PPEF1: variants seen among roughly 807,000 people sequenced by gnomAD.
PPEF1 encodes the protein protein phosphatase with EF-hand domain 1.
Under a neutral mutation model 53.3 loss-of-function variants are expected in PPEF1, and 12 were observed. The ratio of observed to expected loss-of-function variants is 0.23; its 90% CI spans 0.14 to 0.36. The LOEUF (loss-of-function observed/expected upper bound fraction) is 0.36. Among genes scored for constraint, PPEF1 ranks in the 10% least tolerant of loss-of-function variants. The pLI is 1.00. For synonymous variants in PPEF1, 165 were observed against 176.7 expected (o/e 0.93, Z 0.52); for missense variants, 334 against 490.4 (o/e 0.68, Z 3.01).
intron 12 of PPEF1, among the ~76,000 whole-genome samples, chrX:18,809,140 T>A (rs1356192317): frequency 9.6e-6 from 1 of 104,238 alleles, no homozygotes; most frequent in Non-Finnish European, 2.0e-5. Context: ...TCTATCTATC[T>A]AGTAATTCCT....
At chrX:18,771,718 A>T (rs982360607) in intron 6 of PPEF1, among the ~76,000 whole-genome samples, 2 of 111,917 alleles carry the variant, frequency 1.8e-5, no homozygotes, top group African/African-American at 6.5e-5. Context: ...TTAACAACTA[A>T]TAGCCTACTG....
intron 9 of PPEF1, among the ~76,000 whole-genome samples, chrX:18,788,110 A>G (rs1440014707): frequency 9.0e-6 from 1 of 111,075 alleles, no homozygotes; most frequent in East Asian, 2.8e-4. Flanking sequence ...AGGTCAGGAG[A>G]TCAAGACCAT....
Position 18,779,025 on chromosome X carries a change from G to C in PPEF1, c.574G>C (p.Glu192Gln), listed in dbSNP as rs749566728. 6.7e-6 allele frequency: 8 copies of C among 1,197,581 alleles called. No homozygotes were observed. The Admixed American group carries it at 1.3e-4, about 20-fold the overall frequency. ...LIFYKNGLPS[E>Q]RNPYVFNGDF... ...CCTTCCACAGAATGGTCTCCCCTCA[G>C]AGAGGAACCCGTATGTTTTTAATGG... The change falls in exon 7 of 16, where the codon GAG becomes CAG. Residue 192 changes from glutamate (E) to glutamine (Q), a missense_variant. Transcript: ENST00000470157.
At chrX:18,782,938 C>A (rs758515091) in intron 8 of PPEF1, among the ~76,000 whole-genome samples, 1 of 108,244 alleles carries the variant, frequency 9.2e-6, no homozygotes, top group South Asian at 4.2e-4. Context: ...CGTGGTGAAA[C>A]CCTGTCTCTA....
At chrX:18,816,382 A>C (rs2046916119) in intron 12 of PPEF1, among the ~76,000 whole-genome samples, 1 of 111,513 alleles carries the variant, frequency 9.0e-6, no homozygotes, top group Non-Finnish European at 1.9e-5. Flanking sequence ...TAAATCCTAA[A>C]TTTTCTTCAA....
chrX:18,772,596 C>T (rs1757943431), intron 6 of PPEF1, among the ~76,000 whole-genome samples: 1 of 111,900 alleles, frequency 8.9e-6, no homozygotes, highest in African/African-American at 3.2e-5. Flanking sequence ...CCTCTTTGTA[C>T]CTCTGGTAGA....
intron 6 of PPEF1, among the ~76,000 whole-genome samples, chrX:18,776,621 T>C (rs1332718594): frequency 9.0e-6 from 1 of 111,710 alleles, no homozygotes; most frequent in Non-Finnish European, 1.9e-5. Context: ...TATGAATTAA[T>C]ACATAAGAAA....
chrX:18,705,985 G>A (rs2044185522), upstream of PPEF1, among the ~76,000 whole-genome samples: 1 of 110,121 alleles, frequency 9.1e-6, no homozygotes, highest in Admixed American at 9.7e-5. Flanking sequence ...AATGCAAATA[G>A]GGCTGGGCAA....
chrX:18,767,131 C>A, intron 6 of PPEF1, among the ~76,000 whole-genome samples: 1 of 112,377 alleles, frequency 8.9e-6, no homozygotes, highest in East Asian at 2.8e-4. Context: ...TAATACTCAG[C>A]GATCTGGAGC....
chrX:18,678,873 A>T (rs1200819643), upstream of PPEF1, among the ~76,000 whole-genome samples: 2 of 108,978 alleles, frequency 1.8e-5, no homozygotes, highest in African/African-American at 6.7e-5. Context: ...TGTTCTCACC[A>T]CCCCAGCGAC....
At chrX:18,694,226 A>G (rs780279361) in intron 4 of PPEF1, among the ~76,000 whole-genome samples, 99 of 111,835 alleles carry the variant, frequency 8.9e-4, no homozygotes, top group African/African-American at 3.0e-3. Flanking sequence ...GCTGTTTTCA[A>G]TGTTTGACCG....
At chrX:18,760,100 C>T (rs2045628705) in intron 5 of PPEF1, among the ~76,000 whole-genome samples, 1 of 111,124 alleles carries the variant, frequency 9.0e-6, no homozygotes, top group Non-Finnish European at 1.9e-5. Context: ...GATTCTCCTG[C>T]CTCAGCCTCC....
rs1169469878 is a variant in PPEF1 at position 18,799,729 on chromosome X, A to AT, written c.1066-4155dup. On this transcript the variant is annotated intron_variant, in intron 10 of 15. Transcript: ENST00000470157. ...AGCTGTAATTCAGTAAAACGTTCCCATTTTTTTTGTTTGAAATTTTTCAGG... is the reference window on the plus strand; with the variant it reads ...AGCTGTAATTCAGTAAAACGTTCCCATTTTTTTTTGTTTGAAATTTTTCAGG... Among the ~76,000 whole-genome samples, 8 of 110,729 alleles carry AT rather than the reference A, an allele frequency of 7.2e-5. No homozygotes were observed. The East Asian group carries it at 1.1e-3, about 16-fold the overall frequency.
chrX:18,680,686 A>G (rs956202437), upstream of PPEF1, among the ~76,000 whole-genome samples: 2 of 110,184 alleles, frequency 1.8e-5, no homozygotes, highest in Non-Finnish European at 3.8e-5. Flanking sequence ...TTACATATGT[A>G]TACGTGTGCC....
chrX:18,824,577 GA>G (rs990613748), intron 14 of PPEF1, among the ~76,000 whole-genome samples: 6 of 111,746 alleles, frequency 5.4e-5, no homozygotes, highest in Admixed American at 9.5e-5. Flanking sequence ...AAAGAAAAAA[GA>G]AAAAGCTTCC....
intron 6 of PPEF1, among the ~76,000 whole-genome samples, chrX:18,771,411 AT>A (rs1029489171): frequency 9.0e-6 from 1 of 111,068 alleles, no homozygotes; most frequent in African/African-American, 3.3e-5. Context: ...TTTGCTTTTA[AT>A]TTTCTCTTTG....
At chrX:18,730,074 C>T in intron 1 of PPEF1, 107 bp from the exon 2 acceptor site, 1 of 810,968 alleles carries the variant, frequency 1.2e-6, no homozygotes. Flanking sequence ...TTCTTAGAAC[C>T]TAGGAATCCA....
intron 1 of PPEF1, among the ~76,000 whole-genome samples, chrX:18,724,405 A>T (rs758547133): frequency 8.9e-6 from 1 of 111,930 alleles, no homozygotes; most frequent in African/African-American, 3.2e-5. Flanking sequence ...AACCCCGTAC[A>T]TGACTATTTA....
intron 6 of PPEF1, among the ~76,000 whole-genome samples, chrX:18,761,961 A>G (rs1218741313): frequency 9.0e-6 from 1 of 111,445 alleles, no homozygotes; most frequent in Non-Finnish European, 1.9e-5. Flanking sequence ...TCCAGTGCAC[A>G]CTAATTATGC....
Sources: gnomAD v4.1 joint callset for allele counts (sites outside exome capture counted in the v4.1 genomes callset) on GRCh38, gnomAD v4.1.1 for gene constraint, MANE v1.5 for transcripts, NCBI Gene and HGNC (gene_info 2026-07-23, HGNC 2026-07-21) for gene names.